Variants in CDKAL1 observed in about 807,000 individuals in gnomAD.
The protein encoded by CDKAL1 is threonylcarbamoyladenosine tRNA methylthiotransferase.
CDKAL1 carries 32 observed loss-of-function variants against 68.2 expected under a neutral mutation model. The ratio of observed to expected loss-of-function variants is 0.47; its 90% CI spans 0.35 to 0.63. The LOEUF (loss-of-function observed/expected upper bound fraction) is 0.63, where lower values mean the gene tolerates loss of function less well. Among genes scored for constraint, CDKAL1 ranks in the 30% least tolerant of loss-of-function variants. The probability of loss-of-function intolerance (pLI) is 0.00; values close to 1 mark genes in which losing one functional copy is unlikely to be tolerated. For synonymous variants in CDKAL1, 234 were observed against 244.3 expected (o/e 0.96, Z 0.39); for missense variants, 606 against 696.7 (o/e 0.87, Z 1.47).
chr6:20,899,020 C>T (rs945989033), intron 9 of CDKAL1, among the ~76,000 whole-genome samples: 1 of 151,492 alleles, frequency 6.6e-6, no homozygotes, highest in Non-Finnish European at 1.5e-5. Context: ...TGAACACAGG[C>T]CAATCAAGAC....
At chr6:20,619,391 A>C (rs1056633630) in intron 4 of CDKAL1, among the ~76,000 whole-genome samples, 1 of 152,202 alleles carries the variant, frequency 6.6e-6, no homozygotes, top group African/African-American at 2.4e-5. Context: ...CTTATCACAA[A>C]AATAACTATG....
chr6:20,631,663 C>T (rs1165976581), intron 4 of CDKAL1, among the ~76,000 whole-genome samples: 1 of 152,198 alleles, frequency 6.6e-6, no homozygotes, highest in East Asian at 1.9e-4. Flanking sequence ...CTTGCCAGGT[C>T]CCAGACTGGT....
intron 8 of CDKAL1, among the ~76,000 whole-genome samples, chr6:20,810,627 GGT>G (rs57000695): frequency 0.24 from 31,669 of 134,320 alleles, 3,942 homozygotes; most frequent in East Asian, 0.38. Context: ...TGTATGTATG[GGT>G]GTGTGTGTGT....
intron 5 of CDKAL1, among the ~76,000 whole-genome samples, chr6:20,675,454 A>T (rs1169237414): frequency 1.3e-5 from 2 of 152,196 alleles, no homozygotes; most frequent in Non-Finnish European, 2.9e-5. Flanking sequence ...TACCCATATC[A>T]TCTTGGTTTT....
chr6:21,029,338 G>T (rs1008153081), intron 11 of CDKAL1, among the ~76,000 whole-genome samples: 2 of 152,130 alleles, frequency 1.3e-5, no homozygotes, highest in African/African-American at 4.8e-5. Context: ...GGGATTACAG[G>T]CATGAGCCAC....
At chr6:20,561,240 G>A (rs1331119865) in intron 4 of CDKAL1, among the ~76,000 whole-genome samples, 3 of 151,728 alleles carry the variant, frequency 2.0e-5, no homozygotes, top group Admixed American at 6.6e-5. Context: ...TCAGGAGTTC[G>A]AGACCAGCCT....
At chr6:20,838,985 A>G (rs1778069098) in intron 8 of CDKAL1, among the ~76,000 whole-genome samples, 1 of 152,070 alleles carries the variant, frequency 6.6e-6, no homozygotes, top group Non-Finnish European at 1.5e-5. Flanking sequence ...AAAAAAAAAA[A>G]AAAAATTCTA....
intron 8 of CDKAL1, among the ~76,000 whole-genome samples, chr6:20,839,621 G>C (rs1341760092): frequency 6.6e-6 from 1 of 152,074 alleles, no homozygotes; most frequent in Non-Finnish European, 1.5e-5. Flanking sequence ...TTTATACCCT[G>C]TGTAGGGTCC....
chr6:20,791,308 T>TGG (rs201452860), intron 8 of CDKAL1, among the ~76,000 whole-genome samples: 21 of 151,814 alleles, frequency 1.4e-4, no homozygotes, highest in African/African-American at 5.1e-4. Flanking sequence ...ATAGTATTAT[T>TGG]AACTTTATTA....
At chr6:21,096,209 G>T (rs1773307769) in intron 12 of CDKAL1, among the ~76,000 whole-genome samples, 1 of 152,188 alleles carries the variant, frequency 6.6e-6, no homozygotes, top group Non-Finnish European at 1.5e-5. Context: ...GTTATTCGGG[G>T]TAGGGAGGGA....
intron 10 of CDKAL1, among the ~76,000 whole-genome samples, chr6:20,988,682 G>A (rs998363894): frequency 3.3e-5 from 5 of 151,616 alleles, no homozygotes; most frequent in African/African-American, 9.7e-5. Context: ...ACTGAGTATC[G>A]CTCTGTCGCC....
intron 11 of CDKAL1, among the ~76,000 whole-genome samples, chr6:21,060,537 T>C (rs1199662316): frequency 6.6e-6 from 1 of 152,122 alleles, no homozygotes; most frequent in Non-Finnish European, 1.5e-5. Flanking sequence ...TGATTTCTTA[T>C]TTTACCTTTA....
In CDKAL1 at chr6:20,785,328, T is replaced by C. The variant is rs1055739711; in HGVS notation, c.638+4063T>C. 4.0e-5 allele frequency among the ~76,000 whole-genome samples: 6 copies of C among 149,648 alleles called. No individual in the cohort carries two copies. The East Asian group carries it at 1.2e-3, about 29-fold the overall frequency. On this transcript the variant is annotated intron_variant, in intron 8 of 15. Coordinates refer to ENST00000274695, the MANE Select transcript of CDKAL1 (RefSeq NM_017774.3). ...GATTTCTTTTTCTTTTTTTTTTTTT[T>C]TTTTTGAGATGGAGTCTTGCTCTGT... is the stretch of plus-strand genomic sequence containing the variant.
intron 9 of CDKAL1, among the ~76,000 whole-genome samples, chr6:20,868,518 T>TGGC (rs1242584621): frequency 6.6e-6 from 1 of 152,134 alleles, no homozygotes; most frequent in African/African-American, 2.4e-5. Flanking sequence ...GAAGCGGCCG[T>TGGC]GGCAGCAGCA....
intron 8 of CDKAL1, among the ~76,000 whole-genome samples, chr6:20,784,776 G>A (rs904408156): frequency 1.3e-5 from 2 of 151,972 alleles, no homozygotes; most frequent in Non-Finnish European, 2.9e-5. Context: ...CACACACATG[G>A]ATACAGAGGG....
At chr6:20,832,344 ACTAT>A (rs1257882008) in intron 8 of CDKAL1, among the ~76,000 whole-genome samples, 1 of 152,310 alleles carries the variant, frequency 6.6e-6, no homozygotes, top group African/African-American at 2.4e-5. Context: ...TAAGGCAGGG[ACTAT>A]CTATTTATCT....
intron 9 of CDKAL1, among the ~76,000 whole-genome samples, chr6:20,883,250 T>TTTG (rs572880454): frequency 6.6e-6 from 1 of 152,234 alleles, no homozygotes; most frequent in Non-Finnish European, 1.5e-5. Context: ...CAGTGGGGAA[T>TTTG]TCAAGCTCCA....
At chr6:21,177,617 G>A (rs1777634889) in intron 13 of CDKAL1, among the ~76,000 whole-genome samples, 1 of 149,910 alleles carries the variant, frequency 6.7e-6, no homozygotes, top group African/African-American at 2.4e-5. Context: ...TAAAGAGTAT[G>A]ATATGTCTTC....
At chr6:20,706,189 T>G (rs951659526) in intron 5 of CDKAL1, among the ~76,000 whole-genome samples, 1 of 152,170 alleles carries the variant, frequency 6.6e-6, no homozygotes, top group African/African-American at 2.4e-5. Context: ...TCAAGATTCC[T>G]TTGCCTTCAT....
Sources: gnomAD v4.1 joint callset for allele counts (sites outside exome capture counted in the v4.1 genomes callset) on GRCh38, gnomAD v4.1.1 for gene constraint, MANE v1.5 for transcripts, NCBI Gene and HGNC (gene_info 2026-07-23, HGNC 2026-07-21) for gene names.